HFM1: variants seen among roughly 807,000 people sequenced by gnomAD.
HFM1 encodes helicase for meiosis 1, also known as probable ATP-dependent DNA helicase HFM1.
A neutral mutation model predicts 192.1 loss-of-function variants in HFM1; 169 were observed. That is an observed-to-expected ratio of 0.88 (90% CI 0.78 to 1.00). HFM1 has a LOEUF of 1.00. Among genes scored for constraint, HFM1 ranks in the 50% least tolerant of loss-of-function variants. HFM1 has a pLI of 0.00. For synonymous variants in HFM1, 525 were observed against 537.8 expected (o/e 0.98, Z 0.33); for missense variants, 1,661 against 1,668.0 (o/e 1.00, Z 0.07).
chr1:91,331,917 C>T (rs1031383982), intron 20 of HFM1, among the ~76,000 whole-genome samples: 3 of 150,674 alleles, frequency 2.0e-5, no homozygotes, highest in Non-Finnish European at 3.0e-5. Context: ...AACAAAGAAA[C>T]ACAAAAACTA....
intron 13 of HFM1, among the ~76,000 whole-genome samples, chr1:91,364,113 C>A (rs183124010): frequency 2.2e-4 from 33 of 151,980 alleles, no homozygotes; most frequent in Middle Eastern, 3.4e-3. Flanking sequence ...ATTTGTACAG[C>A]AATCCACCAT....
chr1:91,365,077 C>A (rs1032633265), intron 13 of HFM1, among the ~76,000 whole-genome samples: 1 of 152,010 alleles, frequency 6.6e-6, no homozygotes, highest in Admixed American at 6.6e-5. Context: ...AAGACACTAA[C>A]TGAAATAAGC....
At chr1:91,289,182 C>G (rs187673540) in intron 30 of HFM1, among the ~76,000 whole-genome samples, 2 of 151,484 alleles carry the variant, frequency 1.3e-5, no homozygotes, top group Admixed American at 1.3e-4. Flanking sequence ...ACCTCCCAGA[C>G]GGGGTGGTGG....
chr1:91,383,576 G>T (rs1230619978), intron 6 of HFM1, among the ~76,000 whole-genome samples: 1 of 152,130 alleles, frequency 6.6e-6, no homozygotes, highest in African/African-American at 2.4e-5. Context: ...TCAGAATTAT[G>T]TCAGATGATC....
rs749242897 is a variant in HFM1, at chr1:91,396,295, A to T, written c.182T>A (p.Leu61Ter). The change falls in exon 3 of 39, where the codon TTA becomes TAA. Residue 61 changes from leucine to a stop codon, truncating the protein, a stop_gained and splice_region_variant. Transcript: ENST00000370425. LOFTEE classifies it high-confidence loss of function. ...LEEELESHKL[L>*]GQEKRPKMLT... is the part of the protein sequence containing the mutation. Reference sequence around the variant, plus strand: ...AAAACAAATATGTGATAATTTACCTAACAGTTTATGACTTTCTAATTCTTC... The same window carrying T: ...AAAACAAATATGTGATAATTTACCTTACAGTTTATGACTTTCTAATTCTTC... 6.9e-7 allele frequency: 1 copy of T among 1,452,166 alleles called. No homozygotes were observed. Among genetic ancestry groups the T allele is most frequent in the Admixed American group, 1.7e-5 (1 of 57,522 alleles). The allele number at this position is 1,452,166 out of a possible 1,614,324, so 90.0% of individuals were successfully genotyped here. A position where few individuals can be genotyped will look rare whatever the true frequency, so the allele number is the denominator to read the frequency against.
chr1:91,317,274 C>A (rs1651388163), intron 25 of HFM1, among the ~76,000 whole-genome samples: 1 of 152,096 alleles, frequency 6.6e-6, no homozygotes, highest in African/African-American at 2.4e-5. Flanking sequence ...ATTAGCCGGG[C>A]ATGGTGGCAC....
At chr1:91,402,168 A>C (rs1571256020) in intron 1 of HFM1, among the ~76,000 whole-genome samples, 1 of 152,180 alleles carries the variant, frequency 6.6e-6, no homozygotes, top group Non-Finnish European at 1.5e-5. Flanking sequence ...TAGTGGAGAA[A>C]TACGCATTAC....
intron 30 of HFM1, among the ~76,000 whole-genome samples, chr1:91,305,942 G>C (rs566896306): frequency 3.3e-5 from 5 of 152,038 alleles, no homozygotes; most frequent in African/African-American, 1.2e-4. Context: ...TAATAACACA[G>C]AGCATTCTTG....
chr1:91,379,308 C>A (rs1661275982), intron 8 of HFM1, 94 bp from the exon 9 acceptor site: 4 of 855,222 alleles, frequency 4.7e-6, no homozygotes, highest in African/African-American at 3.5e-5. Context: ...AAAAAATACA[C>A]ATCTACATAC....
Position 91,274,925 on chromosome 1 carries a change from G to A in HFM1, c.3589-116C>T, listed in dbSNP as rs183854854. On this transcript the variant is annotated intron_variant, in intron 32 of 38. Coordinates refer to ENST00000370425, the MANE Select transcript of HFM1 (RefSeq NM_001017975.6). ...TAAAGTCCCCAAATCAATGAATTAG[G>A]AGAAACTCAGGTTAGTTCTTGACTC... 228 of 508,318 alleles carry A rather than the reference G, an allele frequency of 4.5e-4. 2 individuals are homozygous for A. Among genetic ancestry groups the A allele is most frequent in the Admixed American group, 1.0e-3 (28 of 27,954 alleles). The allele number at this position is 508,318 out of a possible 1,614,324, so 31.5% of individuals were successfully genotyped here. A position where few individuals can be genotyped will look rare whatever the true frequency, so the allele number is the denominator to read the frequency against.
At chr1:91,308,514 T>C (rs1649970755) in intron 30 of HFM1, among the ~76,000 whole-genome samples, 1 of 152,206 alleles carries the variant, frequency 6.6e-6, no homozygotes, top group South Asian at 2.1e-4. Flanking sequence ...TTCTTTAAAA[T>C]ATTCATAATT....
intron 1 of HFM1, among the ~76,000 whole-genome samples, chr1:91,401,794 C>A (rs1664333922): frequency 6.6e-6 from 1 of 151,858 alleles, no homozygotes; most frequent in Non-Finnish European, 1.5e-5. Context: ...CGTTTACATT[C>A]TTTTTTAAAA....
rs556448228 is a variant in HFM1, at chr1:91,328,715, C to T, written c.2336-3949G>A. 3.7e-6 allele frequency: 6 copies of T among 1,605,990 alleles called. No individual in the cohort carries two copies. The Admixed American group carries it at 8.3e-5, about 22-fold the overall frequency. ...CGGGGCTGAGGCAGAGAAGCAGCTA[C>T]AGCAGGCTCAGGCTGCTGGGGCCGA... On this transcript the variant is annotated intron_variant, in intron 20 of 38. Transcript: ENST00000370425.
At chr1:91,295,352 C>T (rs1647357181) in intron 30 of HFM1, among the ~76,000 whole-genome samples, 2 of 152,266 alleles carry the variant, frequency 1.3e-5, no homozygotes, top group African/African-American at 4.8e-5. Context: ...CTAGAGGCTA[C>T]AAGTCCAAGA....
chr1:91,396,224 G>C, intron 3 of HFM1, 69 bp downstream of exon 3: 1 of 676,474 alleles, frequency 1.5e-6, no homozygotes, highest in East Asian at 2.7e-5. Context: ...AATCAAATCA[G>C]GGTTTTTTAA....
In HFM1 at chr1:91,385,634, C is replaced by G; in HGVS notation, c.695G>C (p.Gly232Ala). The G allele has an allele frequency of 6.2e-7, 1 of 1,612,998 alleles. No individual in the cohort carries two copies. Residue 232 changes from glycine to alanine, a missense_variant, in exon 5 of 39, where the codon GGA (glycine) becomes GCA (alanine). Coordinates refer to ENST00000370425, the MANE Select transcript of HFM1 (RefSeq NM_001017975.6). ...ANNAFSASEI[G>A]EGMFKAPSFS... ...AGATGGTGCTTTGAACATGCCTTCT[C>G]CGATTTCAGAAGCAGAAAAAGCATT...
At chr1:91,390,773 A>G (rs1199742484) in intron 4 of HFM1, among the ~76,000 whole-genome samples, 2 of 152,202 alleles carry the variant, frequency 1.3e-5, no homozygotes, top group Admixed American at 1.3e-4. Flanking sequence ...GGTAGGAGAA[A>G]GAAATAATGG....
At chr1:91,329,573 C>T in intron 20 of HFM1, 1 of 1,215,582 alleles carries the variant, frequency 8.2e-7, no homozygotes, top group Non-Finnish European at 1.1e-6. Context: ...CTCTTGTACC[C>T]TTAAGAGCTA....
intron 30 of HFM1, among the ~76,000 whole-genome samples, chr1:91,279,723 G>A (rs1244232672): frequency 1.3e-5 from 2 of 152,112 alleles, no homozygotes; most frequent in Non-Finnish European, 2.9e-5. Flanking sequence ...CCCAACAGAT[G>A]CCTACCAACC....
Sources: gnomAD v4.1 joint callset for allele counts (sites outside exome capture counted in the v4.1 genomes callset) on GRCh38, gnomAD v4.1.1 for gene constraint, MANE v1.5 for transcripts, NCBI Gene and HGNC (gene_info 2026-07-23, HGNC 2026-07-21) for gene names.